MYH14: variants seen among roughly 807,000 people sequenced by gnomAD.
MYH14 encodes the protein myosin-14.
Under a neutral mutation model 255.5 loss-of-function variants are expected in MYH14, and 123 were observed. That is an observed-to-expected ratio of 0.48 (90% CI 0.42 to 0.56). The LOEUF is 0.56. Ranked by LOEUF, MYH14 falls within the 20% of genes least tolerant of loss-of-function variation. The pLI is 0.00. For missense variants in MYH14, 2,423 were observed against 2,802.3 expected, an observed-to-expected ratio of 0.86 and a Z score of 3.06; for synonymous variants, 1,095 against 1,161.2, an observed-to-expected ratio of 0.94 and a Z score of 1.16.
In MYH14 at chr19:50,229,975, C is replaced by T. The variant is rs377765675; in HGVS notation, c.875-550C>T. ...TGTCGCCCAGGCTGGAGTGCAGTGG[C>T]GCAATCTCGGCTCACTGCAACCTCC... On this transcript the variant is annotated intron_variant, in intron 8 of 42. Transcript: ENST00000642316. Among the ~76,000 whole-genome samples the T allele has an allele frequency of 7.2e-5, 11 of 152,102 alleles. No individual in the cohort carries two copies. The East Asian group carries it at 1.2e-3, about 16-fold the overall frequency.
In MYH14 at chr19:50,276,197, A is replaced by T; in HGVS notation, c.3674A>T (p.Glu1225Val). 6.5e-7 allele frequency: 1 copy of T among 1,539,998 alleles called. No individual in the cohort carries two copies. Among genetic ancestry groups the T allele is most frequent in the Non-Finnish European group, 8.8e-7 (1 of 1,142,008 alleles). ...CTGGACTCCACCAACGCACAGCAGG[A>T]GCTCCGGTGAGGCCCGGTGGCAGGC... Reference protein sequence around the residue: ...DTLDSTNAQQELRSKREQEVT... With the variant: ...DTLDSTNAQQVLRSKREQEVT... Residue 1225 changes from glutamate (E) to valine (V), a missense_variant, in exon 28 of 43, where the codon GAG becomes GTG. Physicochemically the swap from Glu to Val is moderately radical, Grantham distance 121. Around this residue, in one of 3 missense-constraint regions of MYH14, gnomAD observed 1,513 missense variants for 1,674.8 expected, o/e 0.90. Transcript: ENST00000642316. The surrounding 1 kb of genome is among the most constrained non-coding windows in gnomAD (Gnocchi z 4.3).
chr19:50,269,804 C>T (rs1409679154), intron 24 of MYH14, among the ~76,000 whole-genome samples: 1 of 152,142 alleles, frequency 6.6e-6, no homozygotes, highest in Non-Finnish European at 1.5e-5. Flanking sequence ...TGTGCCTGGT[C>T]CCCAGGATAA....
intron 3 of MYH14, among the ~76,000 whole-genome samples, chr19:50,220,636 A>G (rs542870325): frequency 9.2e-5 from 14 of 151,778 alleles, no homozygotes; most frequent in Non-Finnish European, 2.1e-4. Context: ...GCTCGCTGCA[A>G]CCTCCTCCCG....
chr19:50,231,951 G>C lies in MYH14; in HGVS notation c.995G>C (p.Cys332Ser). The change falls in exon 10 of 43, where the codon TGC (cysteine) becomes TCC (serine). Residue 332 changes from cysteine (C) to serine (S), a missense_variant. Physicochemically the swap from Cys to Ser is moderately radical, Grantham distance 112. This residue lies in a region of MYH14 where 672 missense variants were observed against 881.8 expected (regional missense o/e 0.76). Transcript: ENST00000642316. ...GCAGCCGACCTCCTCCTCGAGCCCT[G>C]CTCCCACTACCGGTTCCTGACCAAC... ...QLKADLLLEPCSHYRFLTNGP... is the reference protein window; with the variant it reads ...QLKADLLLEPSSHYRFLTNGP... 1 of 1,613,942 alleles carries C rather than the reference G, an allele frequency of 6.2e-7. No homozygotes were observed. Among genetic ancestry groups the C allele is most frequent in the South Asian group, 1.1e-5 (1 of 91,082 alleles).
chr19:50,245,452 AG>A (rs1471936829), intron 11 of MYH14, among the ~76,000 whole-genome samples: 8 of 148,894 alleles, frequency 5.4e-5, no homozygotes, highest in East Asian at 2.0e-4. Context: ...AGAAAGAAAA[AG>A]AAGAAGAAAG....
In MYH14 at chr19:50,276,956, C is replaced by T. The variant is rs2035534031; in HGVS notation, c.3825+55C>T. The T allele has an allele frequency of 8.4e-6, 12 of 1,432,908 alleles. No individual in the cohort carries two copies. Among genetic ancestry groups the T allele is most frequent in the South Asian group, 4.9e-5 (4 of 80,914 alleles). 88.8% of individuals were successfully genotyped at this position (1,432,908 alleles called of 1,614,324 possible). A position where few individuals can be genotyped will look rare whatever the true frequency, so the allele number is the denominator to read the frequency against. On this transcript the variant is annotated intron_variant, in intron 29 of 42. Transcript: ENST00000642316. This position sits in a 1 kb window ranked among gnomAD's most constrained non-coding sequence, Gnocchi z 4.3. ...GGGCCACGGGGAGGGCAGGGCAGGACGCGGGGTTGGAGGAGGTACCGCTGG... is the reference window on the plus strand; with the variant it reads ...GGGCCACGGGGAGGGCAGGGCAGGATGCGGGGTTGGAGGAGGTACCGCTGG...
intron 24 of MYH14, 37 bp downstream of exon 24, chr19:50,268,404 G>A: frequency 6.5e-7 from 1 of 1,542,868 alleles, no homozygotes; most frequent in Non-Finnish European, 8.7e-7. Context: ...CCACCCTCCA[G>A]ACCCCTCTGT....
Position 50,230,944 on chromosome 19 carries a change from A to C in MYH14, c.973+321A>C. On this transcript the variant is annotated intron_variant, in intron 9 of 42. Coordinates refer to ENST00000642316, the MANE Select transcript of MYH14 (RefSeq NM_001145809.2). This position sits in a 1 kb window ranked among gnomAD's most constrained non-coding sequence, Gnocchi z 4.7. Reference sequence around the variant, plus strand: ...CTTCTCTCTCGCGCGGCTTCTCCTCACTCCGGCGGGTGACTCCGGCTTTGC... The same window carrying C: ...CTTCTCTCTCGCGCGGCTTCTCCTCCCTCCGGCGGGTGACTCCGGCTTTGC... 1.3e-5 allele frequency: 4 copies of C among 315,802 alleles called. No individual in the cohort carries two copies. The highest frequency in any genetic ancestry group is 6.8e-5 in the East Asian group (1 of 14,658). 19.6% of individuals were successfully genotyped at this position (315,802 alleles called of 1,614,324 possible).
At chr19:50,233,942 A>G (rs1033922235) in intron 10 of MYH14, among the ~76,000 whole-genome samples, 3 of 151,650 alleles carry the variant, frequency 2.0e-5, no homozygotes, top group Non-Finnish European at 4.4e-5. Flanking sequence ...CAGCCTCCCA[A>G]GTAGTTGGGA....
At chr19:50,245,749 C>CCTCA (rs2034087287) in intron 11 of MYH14, among the ~76,000 whole-genome samples, 2 of 152,336 alleles carry the variant, frequency 1.3e-5, no homozygotes, top group Non-Finnish European at 2.9e-5. Flanking sequence ...ACAGCATTAC[C>CCTCA]TGAGGCACCT....
At chr19:50,251,457 C>T (rs1286017036) in intron 15 of MYH14, among the ~76,000 whole-genome samples, 3 of 138,976 alleles carry the variant, frequency 2.2e-5, no homozygotes, top group African/African-American at 8.6e-5. Flanking sequence ...GGTTCTATTC[C>T]TATATATATA....
At position 50,302,197 on chromosome 19, in the gene MYH14, T is replaced by C. The variant is rs894690424; in HGVS notation, c.5678+328T>C. On this transcript the variant is annotated intron_variant, in intron 40 of 42. Transcript: ENST00000642316. ...TGCTCAAGAGCCTGAGATAAGAAGA[T>C]AGCTTAAGCCCAGGAGTTTGAGGCT... is the stretch of plus-strand genomic sequence containing the variant. 8.4e-5 allele frequency among the ~76,000 whole-genome samples: 12 copies of C among 143,454 alleles called. 1 individual carries two copies. The highest frequency in any genetic ancestry group is 1.6e-4 in the Non-Finnish European group (11 of 67,016). 94.1% of individuals were successfully genotyped at this position (143,454 alleles called of 152,430 possible).
At chr19:50,270,810 T>A (rs947241617) in intron 24 of MYH14, among the ~76,000 whole-genome samples, 1 of 151,950 alleles carries the variant, frequency 6.6e-6, no homozygotes, top group Non-Finnish European at 1.5e-5. Flanking sequence ...TTCTCCTGCC[T>A]CAGCCTCCAG....
chr19:50,258,741 A>AAAC (rs1555767774), intron 18 of MYH14: 1,574 of 145,618 alleles, frequency 0.011, 43 homozygotes, highest in Non-Finnish European at 0.015. Context: ...AAAAAAAAAA[A>AAAC]AAACGAACAA....
chr19:50,252,772 C>T lies in MYH14; in HGVS notation c.1945+19C>T, dbSNP rs772643657. 2 of 1,526,372 alleles carry T rather than the reference C, an allele frequency of 1.3e-6. No individual in the cohort carries two copies. The highest frequency in any genetic ancestry group is 1.8e-6 in the Non-Finnish European group (2 of 1,120,702). 94.6% of individuals were successfully genotyped at this position (1,526,372 alleles called of 1,614,324 possible). ...AAAGACGGTGAGGACCCACTTCCCC[C>T]ACCCCGGCTCTAGGGGTCTGTGCGG... On this transcript the variant is annotated intron_variant, in intron 16 of 42. Transcript: ENST00000642316. This position sits in a 1 kb window ranked among gnomAD's most constrained non-coding sequence, Gnocchi z 4.2.
intron 27 of MYH14, among the ~76,000 whole-genome samples, chr19:50,274,653 A>G (rs958599095): frequency 3.3e-5 from 5 of 152,176 alleles, no homozygotes; most frequent in African/African-American, 9.7e-5. Context: ...AATCACAGCC[A>G]GGCACAGTGA....
intron 35 of MYH14, 103 bp downstream of exon 35, chr19:50,289,751 C>A: frequency 9.5e-7 from 1 of 1,056,496 alleles, no homozygotes; most frequent in Non-Finnish European, 1.4e-6. Flanking sequence ...GACCCACCCA[C>A]CACTCTGTCT....
intron 12 of MYH14, 111 bp downstream of exon 12, chr19:50,247,233 C>A: frequency 1.3e-6 from 1 of 741,646 alleles, no homozygotes; most frequent in South Asian, 1.6e-5. Context: ...TTGCTGAGTG[C>A]CCGCTCCGTT....
At position 50,290,920 on chromosome 19, in the gene MYH14, C is replaced by T. The variant is rs763195171; in HGVS notation, c.4999C>T (p.Arg1667Trp). The change falls in exon 36 of 43, where the codon CGG becomes TGG. Residue 1667 changes from arginine to tryptophan, a missense_variant. This residue lies in a region of MYH14 where 1,513 missense variants were observed against 1,674.8 expected (regional missense o/e 0.90). Coordinates refer to ENST00000642316, the MANE Select transcript of MYH14 (RefSeq NM_001145809.2). Reference sequence around the variant, plus strand: ...TGCAGAGGTGGAGCGGGATGAGGAGCGGAAGCAGCGCACTCTGGCCGTGGC... The same window carrying T: ...TGCAGAGGTGGAGCGGGATGAGGAGTGGAAGCAGCGCACTCTGGCCGTGGC... ...RDAEVERDEE[R>W]KQRTLAVAAR... is the part of the protein sequence containing the mutation. The T allele has an allele frequency of 8.9e-5, 140 of 1,576,702 alleles. 1 individual carries two copies. Among genetic ancestry groups the T allele is most frequent in the South Asian group, 1.5e-4 (13 of 85,884 alleles).
Sources: gnomAD v4.1 joint callset for allele counts (sites outside exome capture counted in the v4.1 genomes callset) on GRCh38, gnomAD v4.1.1 for gene constraint, gnomAD v4.1.1 regional missense constraint, Gnocchi (gnomAD v3.1) non-coding constraint, MANE v1.5 for transcripts, NCBI Gene and HGNC (gene_info 2026-07-23, HGNC 2026-07-21) for gene names.